SEC24B: variants seen among roughly 807,000 people sequenced by gnomAD.
SEC24B encodes the protein protein transport protein Sec24B.
Under a neutral mutation model 142.8 loss-of-function variants are expected in SEC24B, and 45 were observed. The observed-to-expected ratio is 0.32, with a 90% confidence interval of 0.25 to 0.40. The LOEUF (loss-of-function observed/expected upper bound fraction) is 0.40. Ranked by LOEUF, SEC24B falls within the 10% of genes least tolerant of loss-of-function variation. The pLI, the probability that SEC24B is intolerant of heterozygous loss-of-function variation, is 1.00. For synonymous variants in SEC24B, 574 were observed against 568.2 expected (o/e 1.01, Z -0.15); for missense variants, 1,409 against 1,526.8 (o/e 0.92, Z 1.29).
At chr4:109,512,350 G>C (rs1192288785) in intron 9 of SEC24B, among the ~76,000 whole-genome samples, 1 of 152,180 alleles carries the variant, frequency 6.6e-6, no homozygotes, top group Non-Finnish European at 1.5e-5. Flanking sequence ...ATGCAGACTA[G>C]TTATGCTTGT....
intron 4 of SEC24B, chr4:109,488,639 A>T (rs945603730): frequency 1.3e-5 from 2 of 157,786 alleles, no homozygotes; most frequent in Non-Finnish European, 2.9e-5. Flanking sequence ...CTGGGTCAGA[A>T]CTCTGTATTT....
intron 5 of SEC24B, among the ~76,000 whole-genome samples, chr4:109,492,833 G>A (rs537746374): frequency 2.6e-5 from 4 of 151,678 alleles, no homozygotes; most frequent in East Asian, 3.9e-4. Flanking sequence ...TCCCTTTTCA[G>A]CCTCCCAAGT....
At chr4:109,485,694 C>T (rs1184981478) in intron 4 of SEC24B, among the ~76,000 whole-genome samples, 2 of 151,958 alleles carry the variant, frequency 1.3e-5, no homozygotes, top group East Asian at 3.8e-4. Flanking sequence ...TTAAACCTTG[C>T]CCAGTTACAA....
At chr4:109,494,085 GTC>G (rs775546654) in intron 5 of SEC24B, among the ~76,000 whole-genome samples, 16 of 152,178 alleles carry the variant, frequency 1.1e-4, no homozygotes, top group Non-Finnish European at 2.1e-4. Context: ...GTGGTGCTTA[GTC>G]TCTGCTGAGA....
intron 6 of SEC24B, among the ~76,000 whole-genome samples, chr4:109,504,575 G>A (rs932340405): frequency 1.4e-4 from 22 of 151,810 alleles, no homozygotes. Context: ...ATTATATTTA[G>A]GTGTATTACT....
In SEC24B at chr4:109,538,520, T is replaced by G; in HGVS notation, c.3616T>G (p.Ser1206Ala). 1 of 1,613,202 alleles carries G rather than the reference T, an allele frequency of 6.2e-7. No homozygotes were observed. ...MTHLPELDTL[S>A]SERARSFITW... ...ACATCTTCCAGAGCTAGATACACTT[T>G]CATCAGAAAGAGCCAGATCCTTCAT... Residue 1206 changes from serine to alanine, a missense_variant, in exon 23 of 24, where the codon TCA (serine) becomes GCA (alanine). Ser to Ala is a moderately conservative substitution (Grantham distance 99). Around this residue, in one of 2 missense-constraint regions of SEC24B, gnomAD observed 700 missense variants for 853.3 expected, o/e 0.82. Coordinates refer to ENST00000265175, the MANE Select transcript of SEC24B (RefSeq NM_006323.5).
chr4:109,518,803 CTTTTTTTTT>C (rs770507485), intron 11 of SEC24B, among the ~76,000 whole-genome samples: 1 of 117,888 alleles, frequency 8.5e-6, no homozygotes, highest in Admixed American at 8.5e-5. Flanking sequence ...ATGTTTCTGT[CTTTTTTTTT>C]TTTTTTTTTT....
chr4:109,483,003 C>CATACACACACACAT (rs1733936661), intron 4 of SEC24B, among the ~76,000 whole-genome samples: 4 of 84,106 alleles, frequency 4.8e-5, no homozygotes, highest in African/African-American at 8.2e-5. Flanking sequence ...CACACACACA[C>CATACACACACACAT]ATATTATACA....
chr4:109,487,368 G>A (rs1734484517), intron 4 of SEC24B, among the ~76,000 whole-genome samples: 1 of 152,100 alleles, frequency 6.6e-6, no homozygotes, highest in African/African-American at 2.4e-5. Flanking sequence ...AAAAAATGTA[G>A]TATTGGGTCA....
chr4:109,526,957 G>A (rs1212003699), intron 17 of SEC24B, among the ~76,000 whole-genome samples: 5 of 152,028 alleles, frequency 3.3e-5, no homozygotes, highest in Admixed American at 6.6e-5. Context: ...GGTGGCTCAC[G>A]CCTGTAATCC....
intron 22 of SEC24B, among the ~76,000 whole-genome samples, chr4:109,534,060 T>TC (rs1032192814): frequency 6.6e-5 from 10 of 151,502 alleles, no homozygotes; most frequent in South Asian, 2.1e-4. Context: ...TTTTTTTTTT[T>TC]TAGACAGAGT....
intron 2 of SEC24B, among the ~76,000 whole-genome samples, chr4:109,467,286 A>G (rs1486144348): frequency 6.8e-6 from 1 of 147,576 alleles, no homozygotes; most frequent in Admixed American, 7.0e-5. Flanking sequence ...AGATCGCGCC[A>G]CTGCACTCCA....
At chr4:109,474,524 C>T (rs1195881429) in intron 3 of SEC24B, among the ~76,000 whole-genome samples, 2 of 151,566 alleles carry the variant, frequency 1.3e-5, no homozygotes, top group East Asian at 3.9e-4. Context: ...TCCTGGGTTC[C>T]AGCGATTCTC....
chr4:109,530,002 G>A (rs1724721317), intron 18 of SEC24B, among the ~76,000 whole-genome samples: 1 of 152,256 alleles, frequency 6.6e-6, no homozygotes, highest in Admixed American at 6.5e-5. Context: ...CCAAAGTGCT[G>A]GGATTACAGG....
chr4:109,527,314 T>G lies in SEC24B; in HGVS notation c.2966-8T>G. The stretch of plus-strand genomic sequence containing the variant: ...GATCTAATGTATTTTCAATGACTTT[T>G]TTTTTAGGTGAGCGGAGAATTAGAG... On this transcript the variant is annotated splice_region_variant and splice_polypyrimidine_tract_variant and intron_variant, in intron 17 of 23. Transcript: ENST00000265175. 1.3e-6 allele frequency: 2 copies of G among 1,581,616 alleles called. No homozygotes were observed. The highest frequency in any genetic ancestry group is 1.7e-6 in the Non-Finnish European group (2 of 1,159,888).
At chr4:109,512,151 TCTC>T in intron 9 of SEC24B, 68 bp downstream of exon 9, 1 of 1,356,194 alleles carries the variant, frequency 7.4e-7, no homozygotes, top group Non-Finnish European at 1.0e-6. Flanking sequence ...ATTTTTGTCA[TCTC>T]CTGGTTTCTC....
At chr4:109,454,107 A>G (rs1391504908) in intron 1 of SEC24B, among the ~76,000 whole-genome samples, 1 of 152,094 alleles carries the variant, frequency 6.6e-6, no homozygotes, top group African/African-American at 2.4e-5. Context: ...CACCTGGCCA[A>G]CTGTGTCTTA....
At chr4:109,477,549 C>A (rs924612656) in intron 3 of SEC24B, among the ~76,000 whole-genome samples, 12 of 152,186 alleles carry the variant, frequency 7.9e-5, no homozygotes, top group African/African-American at 2.6e-4. Context: ...TGGTCTTGAA[C>A]TCCCAGGCTC....
rs1724110911 is a variant in SEC24B, at chr4:109,525,411, C to T, written c.2698C>T (p.Pro900Ser). The T allele has an allele frequency of 6.2e-7, 1 of 1,611,898 alleles. No homozygotes were observed. Among genetic ancestry groups the T allele is most frequent in the Non-Finnish European group, 8.5e-7 (1 of 1,178,738 alleles). The stretch of plus-strand genomic sequence containing the variant: ...TCCATCATTCCACTATACTCACAAT[C>T]CTTCACAAGCAGAAAAGTTACAAAA... ...YYPSFHYTHN[P>S]SQAEKLQKDL... is the part of the protein sequence containing the mutation. The change falls in exon 16 of 24, where the codon CCT (proline) becomes TCT (serine). Residue 900 changes from proline (P) to serine (S), a missense_variant. Transcript: ENST00000265175.
Sources: gnomAD v4.1 joint callset for allele counts (sites outside exome capture counted in the v4.1 genomes callset) on GRCh38, gnomAD v4.1.1 for gene constraint, gnomAD v4.1.1 regional missense constraint, MANE v1.5 for transcripts, NCBI Gene and HGNC (gene_info 2026-07-23, HGNC 2026-07-21) for gene names.